The following ZNF827 variants were observed in gnomAD, a reference collection of about 807,000 sequenced individuals.
The protein encoded by ZNF827 is zinc finger protein 827.
ZNF827 carries 13 observed loss-of-function variants against 102.4 expected under a neutral mutation model. The ratio of observed to expected loss-of-function variants is 0.13; its 90% CI spans 0.08 to 0.20. The LOEUF (loss-of-function observed/expected upper bound fraction) is 0.20. Ranked by LOEUF, ZNF827 falls within the 10% of genes least tolerant of loss-of-function variation. ZNF827 has a pLI of 1.00. For missense variants in ZNF827, 1,103 were observed against 1,344.4 expected (o/e 0.82, Z 2.81); for synonymous variants, 523 against 536.2 (o/e 0.98, Z 0.34).
intron 2 of ZNF827, among the ~76,000 whole-genome samples, chr4:145,894,164 C>T (rs141268170): frequency 2.6e-4 from 40 of 151,918 alleles, no homozygotes; most frequent in African/African-American, 7.5e-4. Context: ...TACAAACAAG[C>T]GGATATGATG....
chr4:145,887,665 C>T (rs955330638), intron 3 of ZNF827, among the ~76,000 whole-genome samples: 1 of 152,214 alleles, frequency 6.6e-6, no homozygotes, highest in Non-Finnish European at 1.5e-5. Context: ...CTGTTAACAT[C>T]ACCCCTTTCT....
intron 2 of ZNF827, among the ~76,000 whole-genome samples, chr4:145,898,007 T>C (rs1011606331): frequency 1.3e-5 from 2 of 151,958 alleles, no homozygotes; most frequent in South Asian, 2.1e-4. Flanking sequence ...ATACAAAAAT[T>C]AGTCGGGTGT....
chr4:145,805,691 T>C (rs964982693), intron 8 of ZNF827, among the ~76,000 whole-genome samples: 3 of 152,314 alleles, frequency 2.0e-5, no homozygotes, highest in African/African-American at 7.2e-5. Context: ...GTTCCTGGCA[T>C]ACTTGCAATG....
intron 1 of ZNF827, among the ~76,000 whole-genome samples, chr4:145,927,837 A>C (rs1243427244): frequency 6.6e-6 from 1 of 152,224 alleles, no homozygotes; most frequent in African/African-American, 2.4e-5. Flanking sequence ...GCAGATGATA[A>C]AGTGCTTCAT....
At chr4:145,805,125 T>TTTTG (rs1553988129) in intron 8 of ZNF827, among the ~76,000 whole-genome samples, 1 of 148,270 alleles carries the variant, frequency 6.7e-6, no homozygotes, top group Non-Finnish European at 1.5e-5. Context: ...GCAATTCCTT[T>TTTTG]TGTGTGTGTG....
intron 6 of ZNF827, among the ~76,000 whole-genome samples, chr4:145,846,217 G>T (rs924242768): frequency 6.6e-6 from 1 of 152,138 alleles, no homozygotes; most frequent in African/African-American, 2.4e-5. Context: ...AGTGGCTCAC[G>T]CCTGTAATCC....
Position 145,938,378 on chromosome 4 carries a change from C to G in ZNF827, c.30G>C (p.Lys10Asn). MPRRKQEQP[K>N]RLPSHVSRQE... Reference sequence around the variant, plus strand: ...GGGATGACTTACGTGAGGGAAGGCGCTTGGGCTGCTCCTGCTTCCTCCTGG... The same window carrying G: ...GGGATGACTTACGTGAGGGAAGGCGGTTGGGCTGCTCCTGCTTCCTCCTGG... The change falls in exon 1 of 15, where the codon AAG becomes AAC. Residue 10 changes from lysine to asparagine, a missense_variant. Lys to Asn is a moderately conservative substitution (Grantham distance 94). Around this residue, in one of 5 missense-constraint regions of ZNF827, gnomAD observed 441 missense variants for 458.6 expected, o/e 0.96. Transcript: ENST00000508784. 6.2e-7 allele frequency: 1 copy of G among 1,613,438 alleles called. No homozygotes were observed. The highest frequency in any genetic ancestry group is 8.5e-7 in the Non-Finnish European group (1 of 1,179,978).
At chr4:145,937,424 A>C (rs1200887861) in intron 1 of ZNF827, among the ~76,000 whole-genome samples, 1 of 151,678 alleles carries the variant, frequency 6.6e-6, no homozygotes, top group Non-Finnish European at 1.5e-5. Context: ...TATTGCGGCC[A>C]GGAGCCCTGC....
chr4:145,794,079 T>G (rs530349502), intron 8 of ZNF827, among the ~76,000 whole-genome samples: 1 of 152,316 alleles, frequency 6.6e-6, no homozygotes, highest in East Asian at 1.9e-4. Flanking sequence ...CATACACTGT[T>G]TTACGGAACG....
chr4:145,770,585 C>G (rs1282065534), intron 11 of ZNF827, among the ~76,000 whole-genome samples: 6 of 151,426 alleles, frequency 4.0e-5, no homozygotes, highest in Non-Finnish European at 8.8e-5. Flanking sequence ...TATTATAAAA[C>G]ATACATAATA....
chr4:145,891,812 A>C (rs2126847486), intron 3 of ZNF827, among the ~76,000 whole-genome samples: 1 of 152,272 alleles, frequency 6.6e-6, no homozygotes, highest in Admixed American at 6.5e-5. Flanking sequence ...AGGCAGTAAC[A>C]GCCAAGGGCA....
At chr4:145,767,382 C>G (rs1735466699) in intron 11 of ZNF827, among the ~76,000 whole-genome samples, 1 of 152,108 alleles carries the variant, frequency 6.6e-6, no homozygotes, top group Non-Finnish European at 1.5e-5. Flanking sequence ...CATCAGTGAA[C>G]TGTGGGATGC....
intron 7 of ZNF827, among the ~76,000 whole-genome samples, chr4:145,840,539 A>G (rs981853543): frequency 3.9e-5 from 6 of 152,280 alleles, no homozygotes; most frequent in Admixed American, 2.0e-4. Flanking sequence ...ATTTAATTTT[A>G]AAGTCACAAC....
chr4:145,907,306 T>A (rs1751947943), intron 1 of ZNF827: 2 of 436,264 alleles, frequency 4.6e-6, no homozygotes, highest in Non-Finnish European at 9.0e-6. Context: ...TGAGCTCTCC[T>A]TCTGCAGAGT....
At chr4:145,907,151 TCAAA>T (rs1293046170) in intron 1 of ZNF827, 8 of 455,964 alleles carry the variant, frequency 1.8e-5, no homozygotes, top group Middle Eastern at 6.5e-4. Context: ...TATAAGAAGC[TCAAA>T]CAAATATGTC....
chr4:145,837,544 C>G (rs959377271), intron 7 of ZNF827, among the ~76,000 whole-genome samples: 37 of 152,192 alleles, frequency 2.4e-4, no homozygotes, highest in Non-Finnish European at 4.6e-4. Flanking sequence ...CTCAACTACT[C>G]ATACATGCCC....
At chr4:145,856,080 C>A (rs537999068) in intron 5 of ZNF827, among the ~76,000 whole-genome samples, 166 of 152,106 alleles carry the variant, frequency 1.1e-3, no homozygotes, top group Non-Finnish European at 1.9e-3. Flanking sequence ...CTACAACCTC[C>A]ACTTCCTGGG....
intron 1 of ZNF827, among the ~76,000 whole-genome samples, chr4:145,913,429 A>C (rs549543336): frequency 6.8e-5 from 10 of 146,402 alleles, no homozygotes; most frequent in African/African-American, 2.4e-4. Flanking sequence ...CTGTCTCAAA[A>C]AAAAAAAAAA....
chr4:145,872,614 T>A (rs2126767187), intron 4 of ZNF827, among the ~76,000 whole-genome samples: 1 of 152,300 alleles, frequency 6.6e-6, no homozygotes, highest in Middle Eastern at 3.4e-3. Flanking sequence ...CGGTGGCTCA[T>A]GCTTGTAATC....
Sources: allele counts gnomAD v4.1 joint callset (sites outside exome capture counted in the v4.1 genomes callset), GRCh38; gene constraint gnomAD v4.1.1; regional missense constraint gnomAD v4.1.1; transcripts MANE v1.5; gene names NCBI Gene and HGNC (gene_info 2026-07-23, HGNC 2026-07-21).